The following RALYL variants were observed in gnomAD, a reference collection of about 807,000 sequenced individuals.
RALYL encodes the protein RALY RNA binding protein like, also known as RNA-binding Raly-like protein.
A neutral mutation model predicts 35.1 loss-of-function variants in RALYL; 29 were observed. The observed-to-expected ratio is 0.83, with a 90% CI of 0.61 to 1.13. The LOEUF is 1.13. RALYL is among the 50% of genes most tolerant of loss of function. RALYL has a pLI of 0.00. For synonymous variants in RALYL, 120 were observed against 127.6 expected (o/e 0.94, Z 0.40); for missense variants, 359 against 360.4 (o/e 1.00, Z 0.03).
At chr8:84,212,307 T>G (rs1450624556) in intron 1 of RALYL, among the ~76,000 whole-genome samples, 1 of 152,206 alleles carries the variant, frequency 6.6e-6, no homozygotes, top group Non-Finnish European at 1.5e-5. Flanking sequence ...TATTCTAGCT[T>G]TCTCCCTTAC....
chr8:84,592,031 C>T (rs556593118), intron 2 of RALYL, among the ~76,000 whole-genome samples: 1 of 151,964 alleles, frequency 6.6e-6, no homozygotes, highest in African/African-American at 2.4e-5. Flanking sequence ...TTTCTATGTG[C>T]CCCACACATG....
chr8:84,242,799 A>T (rs1477998341), intron 1 of RALYL, among the ~76,000 whole-genome samples: 22 of 151,856 alleles, frequency 1.4e-4, no homozygotes, highest in Admixed American at 1.4e-3. Flanking sequence ...TTGTCTGTTC[A>T]CTCTTAAGAT....
intron 2 of RALYL, among the ~76,000 whole-genome samples, chr8:84,707,315 T>C (rs1035798330): frequency 3.9e-5 from 6 of 152,198 alleles, no homozygotes; most frequent in African/African-American, 1.4e-4. Flanking sequence ...TCTACACATA[T>C]ATTGCTGATT....
At chr8:84,334,169 C>A (rs1847341592) in intron 1 of RALYL, among the ~76,000 whole-genome samples, 2 of 152,154 alleles carry the variant, frequency 1.3e-5, no homozygotes, top group Non-Finnish European at 1.5e-5. Context: ...TAGGTGTGAG[C>A]CACCTCACCA....
In RALYL at chr8:84,326,227, G is replaced by A. The variant is rs1326354864; in HGVS notation, c.-24+141803G>A. Among the ~76,000 whole-genome samples, 4 of 152,166 alleles carry A rather than the reference G, an allele frequency of 2.6e-5. No homozygotes were observed. The East Asian group carries it at 7.7e-4, about 29-fold the overall frequency. On this transcript the variant is annotated intron_variant, in intron 1 of 8. Coordinates refer to ENST00000521268, the MANE Select transcript of RALYL (RefSeq NM_173848.7). The stretch of plus-strand genomic sequence containing the variant: ...CACATTATAGTGTCATATGTAATGT[G>A]TATGAATTACAATGCCAAAAATTTA...
intron 1 of RALYL, among the ~76,000 whole-genome samples, chr8:84,413,854 C>T (rs988446358): frequency 6.6e-6 from 1 of 151,964 alleles, no homozygotes; most frequent in East Asian, 1.9e-4. Flanking sequence ...AAATCATTGT[C>T]GTCATCATTA....
At chr8:84,919,533 G>T (rs975134229) in intron 8 of RALYL, among the ~76,000 whole-genome samples, 4 of 151,860 alleles carry the variant, frequency 2.6e-5, no homozygotes, top group African/African-American at 7.3e-5. Context: ...ACCTGGAACT[G>T]CATGACAAAC....
At chr8:84,631,608 T>G (rs980614710) in intron 2 of RALYL, among the ~76,000 whole-genome samples, 2 of 151,862 alleles carry the variant, frequency 1.3e-5, no homozygotes, top group Non-Finnish European at 2.9e-5. Flanking sequence ...AGACAGTTTT[T>G]TTTTTGATAT....
In RALYL at chr8:84,698,966, T is replaced by G. The variant is rs143611572; in HGVS notation, c.257-75613T>G. 3.9e-3 allele frequency among the ~76,000 whole-genome samples: 596 copies of G among 152,124 alleles called. 5 individuals carry two copies. The highest frequency in any genetic ancestry group is 0.013 in the African/African-American group (547 of 41,488). On this transcript the variant is annotated intron_variant, in intron 2 of 8. Coordinates refer to ENST00000521268, the MANE Select transcript of RALYL (RefSeq NM_173848.7). ...AGAACCGTGTTTTGCTAGGAAGCTTTACCACTCACAACCCTGTGGCTTTTA... is the reference window on the plus strand; with the variant it reads ...AGAACCGTGTTTTGCTAGGAAGCTTGACCACTCACAACCCTGTGGCTTTTA...
At chr8:84,742,412 G>A (rs1292716636) in intron 2 of RALYL, among the ~76,000 whole-genome samples, 7 of 151,876 alleles carry the variant, frequency 4.6e-5, no homozygotes, top group Non-Finnish European at 8.8e-5. Flanking sequence ...TGAAAATACT[G>A]TAAATATCTG....
chr8:84,483,743 G>A (rs1470176692), intron 1 of RALYL, among the ~76,000 whole-genome samples: 1 of 152,118 alleles, frequency 6.6e-6, no homozygotes, highest in Non-Finnish European at 1.5e-5. Flanking sequence ...GCTGTTCAGA[G>A]ACAAAGCATG....
In RALYL at chr8:84,921,459, A is replaced by C. The variant is rs1849305218; in HGVS notation, c.*548A>C. Reference sequence around the variant, plus strand: ...GCCCTGTATAAGCACCCTTTTTATTAATAAAGAATGCAGATATTTCAGATG... The same window carrying C: ...GCCCTGTATAAGCACCCTTTTTATTCATAAAGAATGCAGATATTTCAGATG... On this transcript the variant is annotated 3_prime_UTR_variant, in exon 9 of 9. Coordinates refer to ENST00000521268, the MANE Select transcript of RALYL (RefSeq NM_173848.7). 6.6e-6 allele frequency: 1 copy of C among 152,148 alleles called. No individual in the cohort carries two copies. Among genetic ancestry groups the C allele is most frequent in the Non-Finnish European group, 1.5e-5 (1 of 68,000 alleles). 9.4% of individuals were successfully genotyped at this position (152,148 alleles called of 1,614,324 possible). A position where few individuals can be genotyped will look rare whatever the true frequency, so the allele number is the denominator to read the frequency against.
At chr8:84,571,422 C>T (rs1807957876) in intron 2 of RALYL, among the ~76,000 whole-genome samples, 1 of 151,750 alleles carries the variant, frequency 6.6e-6, no homozygotes, top group Non-Finnish European at 1.5e-5. Flanking sequence ...ATAGTAGTCT[C>T]TGATGATCTT....
chr8:84,781,400 A>G (rs574143392), intron 3 of RALYL, among the ~76,000 whole-genome samples: 7 of 152,294 alleles, frequency 4.6e-5, no homozygotes, highest in African/African-American at 1.7e-4. Flanking sequence ...GCTGCGGGCA[A>G]TTCTCTCTGC....
At chr8:84,424,196 G>A (rs371077450) in intron 1 of RALYL, among the ~76,000 whole-genome samples, 1 of 149,802 alleles carries the variant, frequency 6.7e-6, no homozygotes. Flanking sequence ...CCAATCAGAC[G>A]TAGATTTGGT....
At chr8:84,612,493 T>C (rs1818525817) in intron 2 of RALYL, among the ~76,000 whole-genome samples, 1 of 152,026 alleles carries the variant, frequency 6.6e-6, no homozygotes, top group African/African-American at 2.4e-5. Context: ...CTAATGAATC[T>C]TATAAAGCTT....
At chr8:84,750,406 A>G (rs1162795901) in intron 2 of RALYL, among the ~76,000 whole-genome samples, 1 of 152,120 alleles carries the variant, frequency 6.6e-6, no homozygotes, top group Non-Finnish European at 1.5e-5. Context: ...CTTTCTATAA[A>G]GCTGTTGTTT....
At chr8:84,415,263 C>T (rs2044562595) in intron 1 of RALYL, among the ~76,000 whole-genome samples, 2 of 141,094 alleles carry the variant, frequency 1.4e-5, no homozygotes, top group African/African-American at 2.7e-5. Context: ...TTGATGGAGG[C>T]TCATTCTGTC....
chr8:84,837,417 T>G (rs1250128955), intron 4 of RALYL, among the ~76,000 whole-genome samples: 1 of 152,192 alleles, frequency 6.6e-6, no homozygotes, highest in East Asian at 1.9e-4. Flanking sequence ...GTTTCCTACT[T>G]GTGCTAGGAA....
Sources: allele counts gnomAD v4.1 joint callset (sites outside exome capture counted in the v4.1 genomes callset), GRCh38; gene constraint gnomAD v4.1.1; transcripts MANE v1.5; gene names NCBI Gene and HGNC (gene_info 2026-07-23, HGNC 2026-07-21).